Variants in CREB5 observed in about 807,000 individuals in gnomAD.
CREB5 encodes cAMP responsive element binding protein 5, also known as cyclic AMP-responsive element-binding protein 5.
CREB5 carries 19 observed loss-of-function variants against 57.1 expected under a neutral mutation model. The ratio of observed to expected loss-of-function variants is 0.33; its 90% confidence interval spans 0.23 to 0.49. The LOEUF (loss-of-function observed/expected upper bound fraction) is 0.49, where lower values mean the gene tolerates loss of function less well. Among genes scored for constraint, CREB5 ranks in the 20% least tolerant of loss-of-function variants. The pLI, the probability that CREB5 is intolerant of heterozygous loss-of-function variation, is 0.99. For synonymous variants in CREB5, 238 were observed against 238.3 expected (o/e 1.00, Z 0.01); for missense variants, 579 against 671.6 (o/e 0.86, Z 1.52).
chr7:28,686,786 C>G (rs909107326), intron 5 of CREB5, among the ~76,000 whole-genome samples: 10 of 152,212 alleles, frequency 6.6e-5, no homozygotes, highest in African/African-American at 2.4e-4. Context: ...AGACTGCAAT[C>G]TCTAATTATT....
chr7:28,628,523 G>A (rs1322216748), intron 5 of CREB5, among the ~76,000 whole-genome samples: 1 of 152,072 alleles, frequency 6.6e-6, no homozygotes, highest in Non-Finnish European at 1.5e-5. Flanking sequence ...TAGGAAATCT[G>A]CATTTCAGTG....
chr7:28,705,446 T>TA (rs1164980502), intron 5 of CREB5, among the ~76,000 whole-genome samples: 7 of 151,974 alleles, frequency 4.6e-5, no homozygotes, highest in East Asian at 1.9e-4. Flanking sequence ...GGGGAACACT[T>TA]ACCGCCAGTG....
At chr7:28,432,253 C>A (rs1176513405) in intron 1 of CREB5, among the ~76,000 whole-genome samples, 2 of 152,104 alleles carry the variant, frequency 1.3e-5, no homozygotes. Context: ...CATAGGGATT[C>A]CTAGTATTAG....
chr7:28,516,029 G>T (rs1237113516), intron 4 of CREB5, among the ~76,000 whole-genome samples: 2 of 151,868 alleles, frequency 1.3e-5, no homozygotes, highest in Non-Finnish European at 2.9e-5. Flanking sequence ...GCAACATAAT[G>T]AGACCTCTTC....
chr7:28,570,373 G>A lies in CREB5; in HGVS notation c.300G>A (p.Ser100=), dbSNP rs756899888. Reference sequence around the variant, plus strand: ...GTGTCTTCTCTGGGCAGAATATCTCGATGCATAATGCAGTTGGTGGGGCCA... The same window carrying A: ...GTGTCTTCTCTGGGCAGAATATCTCAATGCATAATGCAGTTGGTGGGGCCA... ...QEEESSKRNI[S]MHNAVGGAMT... The change falls in exon 5 of 11, where the codon TCG becomes TCA. Residue 100 remains serine (S), a synonymous_variant. Coordinates refer to ENST00000357727, the MANE Select transcript of CREB5 (RefSeq NM_182898.4). 26 of 1,612,650 alleles carry A rather than the reference G, an allele frequency of 1.6e-5. No homozygotes were observed. The highest frequency in any genetic ancestry group is 3.3e-5 in the Admixed American group (2 of 59,914).
intron 1 of CREB5, among the ~76,000 whole-genome samples, chr7:28,329,368 G>A (rs1433403734): frequency 1.3e-5 from 2 of 152,180 alleles, no homozygotes; most frequent in Non-Finnish European, 2.9e-5. Context: ...GAAATTTCTA[G>A]AGTTCATCCT....
At position 28,804,405 on chromosome 7, in the gene CREB5, TCAACCCCATCACCAGCAGAAC is replaced by T; in HGVS notation, c.912_932del (p.Gln304_Asn310del). The stretch of plus-strand genomic sequence containing the variant: ...AGCACCCAGCACACCATCCTCACCC[TCAACCCCATCACCAGCAGAAC>T]CATCCACATCACCACTCCCATTCCC... On this transcript the variant is annotated inframe_deletion, in exon 8 of 11. Coordinates refer to ENST00000357727, the MANE Select transcript of CREB5 (RefSeq NM_182898.4). 6.2e-7 allele frequency: 1 copy of T among 1,613,642 alleles called. No individual in the cohort carries two copies. The highest frequency in any genetic ancestry group is 2.2e-5 in the East Asian group (1 of 44,854).
chr7:28,485,340 C>T (rs1324908749), intron 1 of CREB5, among the ~76,000 whole-genome samples: 1 of 152,140 alleles, frequency 6.6e-6, no homozygotes, highest in Non-Finnish European at 1.5e-5. Context: ...ACTGTCACAT[C>T]ATCTAATGTT....
chr7:28,305,536 C>T (rs1310862931), intron 1 of CREB5, among the ~76,000 whole-genome samples: 2 of 152,078 alleles, frequency 1.3e-5, no homozygotes, highest in African/African-American at 4.8e-5. Context: ...ACTGCATTCC[C>T]TTTGGGCATT....
intron 7 of CREB5, among the ~76,000 whole-genome samples, chr7:28,802,490 C>G (rs893425987): frequency 9.2e-5 from 14 of 152,030 alleles, no homozygotes; most frequent in Non-Finnish European, 2.9e-5. Context: ...GTTTCCTTGC[C>G]CAGCAATTAT....
chr7:28,463,083 T>C (rs962209384), intron 1 of CREB5, among the ~76,000 whole-genome samples: 1 of 152,172 alleles, frequency 6.6e-6, no homozygotes, highest in Non-Finnish European at 1.5e-5. Context: ...TGTTCTATGG[T>C]TGATTTTAAG....
intron 5 of CREB5, among the ~76,000 whole-genome samples, chr7:28,681,781 C>G (rs1340947902): frequency 6.6e-6 from 1 of 152,204 alleles, no homozygotes; most frequent in Non-Finnish European, 1.5e-5. Flanking sequence ...AAGATAATGC[C>G]TGAGCTGAGG....
At chr7:28,328,776 T>C (rs983163388) in intron 1 of CREB5, among the ~76,000 whole-genome samples, 29 of 152,140 alleles carry the variant, frequency 1.9e-4, no homozygotes, top group African/African-American at 6.8e-4. Flanking sequence ...GTGCTTAGGA[T>C]GGGGCTCAGG....
chr7:28,460,436 G>A (rs1191039659), intron 1 of CREB5, among the ~76,000 whole-genome samples: 2 of 152,160 alleles, frequency 1.3e-5, no homozygotes, highest in Non-Finnish European at 1.5e-5. Flanking sequence ...AAGAGACGAA[G>A]CATAGACCCC....
At chr7:28,618,192 T>C (rs1343920919) in intron 5 of CREB5, among the ~76,000 whole-genome samples, 1 of 152,038 alleles carries the variant, frequency 6.6e-6, no homozygotes, top group Non-Finnish European at 1.5e-5. Flanking sequence ...CCAGGAAAGG[T>C]TGTTGGAAAC....
chr7:28,608,943 G>A (rs1240624619), intron 5 of CREB5: 6 of 152,166 alleles, frequency 3.9e-5, no homozygotes, highest in African/African-American at 1.4e-4. Flanking sequence ...TTAACCAGTA[G>A]CGATTAGTCA....
intron 7 of CREB5, among the ~76,000 whole-genome samples, chr7:28,790,434 GAGAGAGAGAGAGAGAGAGAGAGAGAGAT>G (rs1244901467): frequency 4.9e-4 from 30 of 61,542 alleles, no homozygotes; most frequent in African/African-American, 1.9e-3. Flanking sequence ...AAGAAAGAGA[GAGAGAGAGAGAGAGAGAGAGAGAGAGAT>G]AGAGAGAGAG....
chr7:28,607,735 CTGTGTGTGTGTGTG>C (rs573980917), intron 5 of CREB5, among the ~76,000 whole-genome samples: 7,825 of 129,208 alleles, frequency 0.061, 276 homozygotes, highest in South Asian at 0.078. Context: ...GCCCACAGGG[CTGTGTGTGTGTGTG>C]TGTGTGTGTG....
chr7:28,401,508 C>T (rs1014703223), intron 1 of CREB5, among the ~76,000 whole-genome samples: 2 of 152,020 alleles, frequency 1.3e-5, no homozygotes, highest in African/African-American at 4.8e-5. Context: ...TGGTGTGCTG[C>T]ACCCATTAAC....
Sources: allele counts gnomAD v4.1 joint callset (sites outside exome capture counted in the v4.1 genomes callset), GRCh38; gene constraint gnomAD v4.1.1; transcripts MANE v1.5; gene names NCBI Gene and HGNC (gene_info 2026-07-23, HGNC 2026-07-21).